The following KANSL1 variants were observed in gnomAD, a reference collection of about 807,000 sequenced individuals.
KANSL1 encodes MLL1/MLL complex subunit KANSL1.
In KANSL1, 22 loss-of-function variants were observed where a neutral mutation model predicts 103.6. The observed-to-expected ratio is 0.21, with a 90% CI of 0.15 to 0.30. The LOEUF is 0.30. Among genes scored for constraint, KANSL1 ranks in the 10% least tolerant of loss-of-function variants. KANSL1 has a pLI of 1.00. For missense variants in KANSL1, 1,337 were observed against 1,399.8 expected, an observed-to-expected ratio of 0.96 and a Z score of 0.72; for synonymous variants, 600 against 527.6, an observed-to-expected ratio of 1.14 and a Z score of -1.88.
chr17:46,089,805 C>T (rs1043492201), intron 3 of KANSL1, among the ~76,000 whole-genome samples: 9 of 152,216 alleles, frequency 5.9e-5, no homozygotes, highest in Non-Finnish European at 1.2e-4. Flanking sequence ...CATTGTTTAT[C>T]TTGAAAATCG....
chr17:46,158,421 C>G (rs1341352163), intron 2 of KANSL1, among the ~76,000 whole-genome samples: 1 of 151,192 alleles, frequency 6.6e-6, no homozygotes, highest in East Asian at 2.0e-4. Flanking sequence ...TGCGGTGGCA[C>G]GATCGATCTC....
intron 6 of KANSL1, among the ~76,000 whole-genome samples, chr17:46,061,657 T>C (rs1201345521): frequency 6.6e-6 from 1 of 152,220 alleles, no homozygotes; most frequent in African/African-American, 2.4e-5. Context: ...TACCACACCC[T>C]AGTGGTTATT....
At chr17:46,142,260 T>A (rs1017546106) in intron 2 of KANSL1, among the ~76,000 whole-genome samples, 1 of 152,244 alleles carries the variant, frequency 6.6e-6, no homozygotes, top group Non-Finnish European at 1.5e-5. Context: ...TTCTAACTTA[T>A]CCAAGTTTGA....
chr17:46,189,929 G>T (rs1184273328), intron 1 of KANSL1, among the ~76,000 whole-genome samples: 3 of 119,644 alleles, frequency 2.5e-5, no homozygotes, highest in African/African-American at 5.7e-5. Flanking sequence ...AAAAAAAATT[G>T]CTTGCCTGAT....
intron 2 of KANSL1, among the ~76,000 whole-genome samples, chr17:46,160,740 C>A (rs1369065364): frequency 6.6e-6 from 1 of 152,160 alleles, no homozygotes; most frequent in East Asian, 1.9e-4. Flanking sequence ...GTATAATAGT[C>A]TTCTGAATAT....
chr17:46,091,391 A>G (rs926816604), intron 3 of KANSL1, among the ~76,000 whole-genome samples: 2 of 152,250 alleles, frequency 1.3e-5, no homozygotes, highest in African/African-American at 4.8e-5. Context: ...AAAAAGTTAT[A>G]GTAAGCTAAG....
At chr17:46,142,377 G>A (rs1386819080) in intron 2 of KANSL1, among the ~76,000 whole-genome samples, 4 of 152,222 alleles carry the variant, frequency 2.6e-5, no homozygotes, top group Non-Finnish European at 5.9e-5. Flanking sequence ...CACTTTGGGA[G>A]GCCAAGGCAG....
chr17:46,062,111 AAACAAAC>A (rs2078186920), intron 6 of KANSL1, among the ~76,000 whole-genome samples: 2 of 29,180 alleles, frequency 6.9e-5, no homozygotes, highest in Admixed American at 5.8e-4. Flanking sequence ...AAAAAAAAAC[AAACAAAC>A]AAAAAAAAAA....
chr17:46,112,683 C>CA (rs940610081), intron 2 of KANSL1, among the ~76,000 whole-genome samples: 14 of 150,796 alleles, frequency 9.3e-5, no homozygotes, highest in South Asian at 2.1e-4. Context: ...ACATTGTCTC[C>CA]AAAAAACAAA....
chr17:46,032,705 G>T (rs934235857), intron 13 of KANSL1: 1 of 334,172 alleles, frequency 3.0e-6, no homozygotes, highest in African/African-American at 2.1e-5. Flanking sequence ...TTAAGGGGGG[G>T]CAGTTTCTTC....
chr17:46,073,919 AG>A (rs1462972625), intron 4 of KANSL1, among the ~76,000 whole-genome samples: 5 of 152,152 alleles, frequency 3.3e-5, no homozygotes, highest in African/African-American at 9.7e-5. Context: ...GGAAGGGGGA[AG>A]GCTGCTGTGT....
intron 2 of KANSL1, among the ~76,000 whole-genome samples, chr17:46,115,112 G>A (rs556638360): frequency 1.3e-5 from 2 of 152,072 alleles, no homozygotes; most frequent in African/African-American, 4.8e-5. Context: ...GCAGGCAGGA[G>A]TGCAATGCAC....
intron 1 of KANSL1, among the ~76,000 whole-genome samples, chr17:46,184,837 CTTTTT>C (rs66507225): frequency 0.01 from 1,298 of 128,232 alleles, 17 homozygotes; most frequent in African/African-American, 0.038. Context: ...AGAGTATGTA[CTTTTT>C]TTTTTTTTTT....
At chr17:46,112,483 G>A (rs1395338134) in intron 2 of KANSL1, among the ~76,000 whole-genome samples, 1 of 148,266 alleles carries the variant, frequency 6.7e-6, no homozygotes, top group African/African-American at 2.5e-5. Flanking sequence ...TCAGGAATTC[G>A]AGACCGGCGT....
intron 6 of KANSL1, among the ~76,000 whole-genome samples, chr17:46,056,396 G>A (rs1433341576): frequency 6.6e-6 from 1 of 152,118 alleles, no homozygotes; most frequent in Non-Finnish European, 1.5e-5. Flanking sequence ...ATGAGCTGTG[G>A]AGCCAGACTG....
At chr17:46,196,562 G>T (rs1400806706), upstream of KANSL1, 1 of 392,642 alleles carries the variant, frequency 2.5e-6, no homozygotes, top group Admixed American at 3.3e-5. Context: ...TAGAGAGTTG[G>T]TCCTTGGTGA....
chr17:46,079,638 C>T (rs1446372251), intron 4 of KANSL1, among the ~76,000 whole-genome samples: 5 of 152,150 alleles, frequency 3.3e-5, no homozygotes, highest in African/African-American at 1.2e-4. Flanking sequence ...ACAGTTTGGC[C>T]ACCATCATGA....
At chr17:46,156,633 G>T (rs1042591431) in intron 2 of KANSL1, 2 of 152,284 alleles carry the variant, frequency 1.3e-5, no homozygotes. Context: ...ACAGAGACGG[G>T]GTCTCGCTAT....
intron 4 of KANSL1, among the ~76,000 whole-genome samples, chr17:46,069,401 T>C (rs949407874): frequency 8.5e-5 from 13 of 152,112 alleles, no homozygotes; most frequent in African/African-American, 3.1e-4. Context: ...CCCCCAAGGA[T>C]AAAACACCAA....
Sources: gnomAD v4.1 joint callset for allele counts (sites outside exome capture counted in the v4.1 genomes callset) on GRCh38, gnomAD v4.1.1 for gene constraint, MANE v1.5 for transcripts, NCBI Gene and HGNC (gene_info 2026-07-23, HGNC 2026-07-21) for gene names.